COX15: variants seen among roughly 807,000 people sequenced by gnomAD.
The protein encoded by COX15 is cytochrome c oxidase assembly factor COX15, also known as heme A synthase COX15.
A neutral mutation model predicts 51.9 loss-of-function variants in COX15; 51 were observed. That is an observed-to-expected ratio of 0.98 (90% CI 0.78 to 1.24). The LOEUF is 1.24. COX15 is among the 50% of genes most tolerant of loss of function. The pLI is 0.00. For synonymous variants in COX15, 188 were observed against 190.5 expected (o/e 0.99, Z 0.11); for missense variants, 420 against 501.1 (o/e 0.84, Z 1.55).
At chr10:99,727,632 C>A in intron 2 of COX15, 69 bp from the exon 3 acceptor site, 3 of 1,541,488 alleles carry the variant, frequency 1.9e-6, no homozygotes, top group Non-Finnish European at 2.7e-6. Context: ...TTTATAGCAA[C>A]AAGTGGATCT....
At chr10:99,702,366 G>T in the COX15 span, 1 of 593,260 alleles carries the variant, frequency 1.7e-6, no homozygotes, top group Non-Finnish European at 2.8e-6. Context: ...GGCTGACTTA[G>T]AAATAACCCA....
rs886046610 is a variant in COX15 at position 99,713,226 on chromosome 10, G to A, written c.*1361C>T. 1.0e-5 allele frequency: 14 copies of A among 1,399,954 alleles called. No homozygotes were observed. The East Asian group carries it at 1.2e-4, about 12-fold the overall frequency. 86.7% of individuals were successfully genotyped at this position (1,399,954 alleles called of 1,614,324 possible). On this transcript the variant is annotated 3_prime_UTR_variant, in exon 9 of 9. Coordinates refer to ENST00000016171, the MANE Select transcript of COX15 (RefSeq NM_078470.6). ...TGAACCTGAGGACAACTAAAATCCC[G>A]TCTTTTTTATATGAAATGATATAAG...
At chr10:99,729,512 G>T in intron 2 of COX15, 41 bp downstream of exon 2, 1 of 1,555,130 alleles carries the variant, frequency 6.4e-7, no homozygotes, top group Non-Finnish European at 8.8e-7. Flanking sequence ...TGCTTCTACT[G>T]ATGATCCAAA....
At chr10:99,716,574 G>T in intron 7 of COX15, 113 bp from the exon 8 acceptor site, 1 of 731,308 alleles carries the variant, frequency 1.4e-6, no homozygotes, top group Non-Finnish European at 2.4e-6. Context: ...TCCTGTACCA[G>T]TCACAGAGAA....
the COX15 span, among the ~76,000 whole-genome samples, chr10:99,700,428 GTGTGTGTGTGTGTGTGTTTA>G: frequency 1.2e-5 from 1 of 81,416 alleles, no homozygotes. Flanking sequence ...GTGTGTGTGT[GTGTGTGTGTGTGTGTGTTTA>G]TTGTCTGTCT....
intron 6 of COX15, 68 bp downstream of exon 6, chr10:99,720,919 G>A: frequency 8.1e-7 from 1 of 1,233,022 alleles, no homozygotes; most frequent in Non-Finnish European, 1.2e-6. Context: ...AAGGGGCAAA[G>A]CATTAGGCAA....
At chr10:99,716,535 T>TA (rs2036586685) in intron 7 of COX15, 74 bp from the exon 8 acceptor site, 1 of 1,016,294 alleles carries the variant, frequency 9.8e-7, no homozygotes, top group South Asian at 1.3e-5. Context: ...GTATCTCCTC[T>TA]AGAACCACTC....
At chr10:99,698,557 T>TGAGTCCCGAC in the COX15 span, 1 of 1,614,138 alleles carries the variant, frequency 6.2e-7, no homozygotes, top group Non-Finnish European at 8.5e-7. Context: ...AAGACAGGTC[T>TGAGTCCCGAC]GAGTCCCGAC....
the COX15 span, chr10:99,696,080 G>A: frequency 2.9e-5 from 47 of 1,614,044 alleles, no homozygotes; most frequent in Middle Eastern, 1.6e-4. Context: ...GCCCGGCAGC[G>A]CTACGAAGAC....
chr10:99,731,830 C>A, intron 1 of COX15, 130 bp downstream of exon 1: 1 of 1,197,958 alleles, frequency 8.3e-7, no homozygotes, highest in Non-Finnish European at 1.2e-6. Context: ...GGGCTCTGAT[C>A]TGAACCTATG....
At chr10:99,698,612 G>A in the COX15 span, 1 of 1,614,186 alleles carries the variant, frequency 6.2e-7, no homozygotes, top group Non-Finnish European at 8.5e-7. Flanking sequence ...TCACAGATGT[G>A]GTGGAGAGGA....
chr10:99,722,755 ACCCGGGAGGTGGAG>A (rs2036816831), intron 5 of COX15, among the ~76,000 whole-genome samples: 2 of 151,784 alleles, frequency 1.3e-5, no homozygotes, highest in Admixed American at 1.3e-4. Context: ...AATTGCTTGA[ACCCGGGAGGTGGAG>A]GTTGCAGTGA....
chr10:99,709,159 T>G (rs1464056818), downstream of COX15: 1 of 985,134 alleles, frequency 1.0e-6, no homozygotes, highest in Non-Finnish European at 1.2e-6. Context: ...ACAGCCTAGA[T>G]GAAGGTATAA....
chr10:99,705,142 A>G, the COX15 span: 1 of 166,722 alleles, frequency 6.0e-6, no homozygotes, highest in Non-Finnish European at 1.3e-5. Context: ...TTATGTGGAG[A>G]TCCACAACCT....
chr10:99,721,070 TA>T lies in COX15; in HGVS notation c.751-3del. Reference sequence around the variant, plus strand: ...TAGGAGTTGGTGGGTTTCAGGCAACTAAATATGAAAAAAAATCATTCAGTTA... The same window carrying T: ...TAGGAGTTGGTGGGTTTCAGGCAACTAATATGAAAAAAAATCATTCAGTTA... On this transcript the variant is annotated splice_region_variant and splice_polypyrimidine_tract_variant and intron_variant, in intron 5 of 8. Coordinates refer to ENST00000016171, the MANE Select transcript of COX15 (RefSeq NM_078470.6). The T allele has an allele frequency of 6.2e-7, 1 of 1,610,680 alleles. No homozygotes were observed. The highest frequency in any genetic ancestry group is 1.1e-5 in the South Asian group (1 of 90,288).
At chr10:99,717,367 C>A (rs780900541) in intron 7 of COX15, among the ~76,000 whole-genome samples, 1 of 152,148 alleles carries the variant, frequency 6.6e-6, no homozygotes, top group Non-Finnish European at 1.5e-5. Flanking sequence ...CTTATTAACT[C>A]TTTTCCTTTA....
chr10:99,700,546 T>C, the COX15 span, among the ~76,000 whole-genome samples: 1 of 152,146 alleles, frequency 6.6e-6, no homozygotes, highest in African/African-American at 2.4e-5. Flanking sequence ...GAACAGCACC[T>C]GGCACATAGC....
In COX15 at chr10:99,732,097, G is replaced by C; in HGVS notation, c.-48C>G. ...CTCTTCCACAACCCAGGGCTCTGTG[G>C]TCTCCCTCCTCCGCCAAGGAAAAGA... is the stretch of plus-strand genomic sequence containing the variant. On this transcript the variant is annotated 5_prime_UTR_variant, in exon 1 of 9. Transcript: ENST00000016171. The C allele has an allele frequency of 1.9e-6, 3 of 1,590,754 alleles. No homozygotes were observed. The highest frequency in any genetic ancestry group is 2.3e-5 in the East Asian group (1 of 43,922).
intron 2 of COX15, among the ~76,000 whole-genome samples, chr10:99,727,877 T>A (rs904391380): frequency 2.6e-5 from 4 of 152,144 alleles, no homozygotes; most frequent in Admixed American, 6.6e-5. Flanking sequence ...CAAAGAAATG[T>A]GTTCTAAATG....
Sources: gnomAD v4.1 joint callset for allele counts (sites outside exome capture counted in the v4.1 genomes callset) on GRCh38, gnomAD v4.1.1 for gene constraint, MANE v1.5 for transcripts, NCBI Gene and HGNC (gene_info 2026-07-23, HGNC 2026-07-21) for gene names.